The following ASXL2 variants were observed in gnomAD, a reference collection of about 807,000 sequenced individuals.
The protein encoded by ASXL2 is putative Polycomb group protein ASXL2.
ASXL2 carries 23 observed loss-of-function variants against 122.0 expected under a neutral mutation model. That is an observed-to-expected ratio of 0.19 (90% confidence interval 0.14 to 0.27). The LOEUF is 0.27. Ranked by LOEUF, ASXL2 falls within the 10% of genes least tolerant of loss-of-function variation. The pLI is 1.00. For synonymous variants in ASXL2, 650 were observed against 637.0 expected (o/e 1.02, Z -0.31); for missense variants, 1,518 against 1,713.8 (o/e 0.89, Z 2.02).
At chr2:25,832,568 G>A (rs1472349013) in intron 3 of ASXL2, among the ~76,000 whole-genome samples, 1 of 151,304 alleles carries the variant, frequency 6.6e-6, no homozygotes, top group Admixed American at 6.6e-5. Context: ...TGGCAGCATG[G>A]GCCAAAAAAA....
intron 5 of ASXL2, among the ~76,000 whole-genome samples, chr2:25,779,640 G>A (rs778779572): frequency 2.0e-5 from 3 of 152,030 alleles, no homozygotes; most frequent in Non-Finnish European, 2.9e-5. Flanking sequence ...ACTTGTCTAC[G>A]TCATTATGCC....
rs182487740 is a variant in ASXL2 at position 25,741,385 on chromosome 2, T to C, written c.*644A>G. 111 of 224,582 alleles carry C rather than the reference T, an allele frequency of 4.9e-4. No homozygotes were observed. In the Middle Eastern group the frequency reaches 8.1e-3, roughly 16 times the overall value. The allele number at this position is 224,582 out of a possible 1,614,324, so 13.9% of individuals were successfully genotyped here. ...TACCAGTAACTAGTAACTAGTACAGTAGAAGCCAAGAACCAAGTCAGGGCT... is the reference window on the plus strand; with the variant it reads ...TACCAGTAACTAGTAACTAGTACAGCAGAAGCCAAGAACCAAGTCAGGGCT... On this transcript the variant is annotated 3_prime_UTR_variant, in exon 13 of 13. Transcript: ENST00000435504.
Position 25,849,289 on chromosome 2 carries a change from A to C in ASXL2, c.58-3726T>G, listed in dbSNP as rs978456349. On this transcript the variant is annotated intron_variant, in intron 1 of 12. Transcript: ENST00000435504. ...CCTGCCTCTGGTAAAAACACACACA[A>C]AAAGTTAGCTGGGGGTGGTGGTGGC... Among the ~76,000 whole-genome samples, 7 of 150,102 alleles carry C rather than the reference A, an allele frequency of 4.7e-5. No homozygotes were observed. In the East Asian group the frequency reaches 1.4e-3, roughly 30 times the overall value.
In ASXL2 at chr2:25,878,151, C is replaced by A. The variant is rs559073674; in HGVS notation, c.57+15G>T. 4.3e-6 allele frequency: 7 copies of A among 1,613,872 alleles called. No individual in the cohort carries two copies. In the African/African-American group the frequency reaches 9.3e-5, roughly 21 times the overall value. On this transcript the variant is annotated intron_variant, in intron 1 of 12. Transcript: ENST00000435504. ...AAAATCCTCCCGGCCTTCCCCTTCG[C>A]TCCCTCCCCCTTACCGTCTTGGCGG... is the stretch of plus-strand genomic sequence containing the variant.
At chr2:25,818,246 C>A (rs1011273435) in intron 3 of ASXL2, among the ~76,000 whole-genome samples, 1 of 152,220 alleles carries the variant, frequency 6.6e-6, no homozygotes, top group East Asian at 1.9e-4. Flanking sequence ...CAGTGGCTCA[C>A]GCCTGTAATT....
At chr2:25,773,130 C>G (rs957255124) in intron 5 of ASXL2, among the ~76,000 whole-genome samples, 1 of 151,686 alleles carries the variant, frequency 6.6e-6, no homozygotes, top group Non-Finnish European at 1.5e-5. Flanking sequence ...ATCCCTTGAA[C>G]CCTGGAGGCG....
At chr2:25,745,641 CTTTTTTTTTT>C (rs59530493) in intron 12 of ASXL2, among the ~76,000 whole-genome samples, 6 of 75,676 alleles carry the variant, frequency 7.9e-5, no homozygotes, top group South Asian at 5.5e-4. Context: ...TGATTTCCTT[CTTTTTTTTTT>C]TTTTTTTTTT....
At chr2:25,759,382 A>G in intron 9 of ASXL2, 100 bp downstream of exon 9, 1 of 1,263,312 alleles carries the variant, frequency 7.9e-7, no homozygotes, top group Non-Finnish European at 1.1e-6. Flanking sequence ...TAAGAAACTT[A>G]TGTAAAAATA....
At chr2:25,762,526 G>A (rs1172827517) in intron 8 of ASXL2, among the ~76,000 whole-genome samples, 6 of 151,384 alleles carry the variant, frequency 4.0e-5, no homozygotes, top group Non-Finnish European at 7.4e-5. Context: ...TTAGCCGGGC[G>A]TGGTGGCGGG....
intron 1 of ASXL2, among the ~76,000 whole-genome samples, chr2:25,870,334 C>T (rs559538674): frequency 1.3e-5 from 2 of 152,076 alleles, no homozygotes; most frequent in Non-Finnish European, 2.9e-5. Flanking sequence ...ACCATCCTGG[C>T]CAACATGGTG....
Position 25,740,858 on chromosome 2 carries a change from T to G in ASXL2, c.*1171A>C. 1 of 190,650 alleles carries G rather than the reference T, an allele frequency of 5.2e-6. No homozygotes were observed. The highest frequency in any genetic ancestry group is 1.1e-5 in the Non-Finnish European group (1 of 91,048). 11.8% of individuals were successfully genotyped at this position (190,650 alleles called of 1,614,324 possible). On this transcript the variant is annotated 3_prime_UTR_variant, in exon 13 of 13. Coordinates refer to ENST00000435504, the MANE Select transcript of ASXL2 (RefSeq NM_018263.6). ...ACATACACGTATGTGTAAAGTAAGA[T>G]ATAATAAGATGATGTCATCCTGTTC...
intron 8 of ASXL2, among the ~76,000 whole-genome samples, chr2:25,765,585 G>A (rs890842444): frequency 2.6e-5 from 4 of 151,958 alleles, no homozygotes; most frequent in African/African-American, 9.7e-5. Context: ...ATGGACTTCT[G>A]CTTACTTCTC....
At chr2:25,799,277 G>GT (rs2088959597) in intron 5 of ASXL2, 108 bp downstream of exon 5, 2 of 1,460,166 alleles carry the variant, frequency 1.4e-6, no homozygotes, top group Admixed American at 3.4e-5. Flanking sequence ...GTTATAGAGG[G>GT]TAAGGGAAAG....
At chr2:25,848,462 A>C (rs1419749929) in intron 1 of ASXL2, among the ~76,000 whole-genome samples, 1 of 151,946 alleles carries the variant, frequency 6.6e-6, no homozygotes, top group Non-Finnish European at 1.5e-5. Flanking sequence ...CTCTACTAAA[A>C]ATACAAAAAA....
intron 1 of ASXL2, among the ~76,000 whole-genome samples, chr2:25,858,814 T>A (rs1471756773): frequency 1.4e-5 from 2 of 146,308 alleles, no homozygotes; most frequent in Non-Finnish European, 3.0e-5. Context: ...GAAATCTAAT[T>A]TTTTTTTTTT....
rs575061422 is a variant in ASXL2 at position 25,805,662 on chromosome 2, TTTTTATTTTA to T, written c.252+557_252+566del. Among the ~76,000 whole-genome samples the T allele has an allele frequency of 1.2e-4, 18 of 152,038 alleles. No homozygotes were observed. The South Asian group carries it at 2.7e-3, about 23-fold the overall frequency. ...AAACACTAGAAGTCATTTTATTTAT[TTTTTATTTTA>T]TTTTATTTTATTTTATTTTTTGAGA... On this transcript the variant is annotated intron_variant, in intron 4 of 12. Transcript: ENST00000435504.
At chr2:25,827,280 A>G (rs903335741) in intron 3 of ASXL2, among the ~76,000 whole-genome samples, 1 of 152,208 alleles carries the variant, frequency 6.6e-6, no homozygotes, top group Non-Finnish European at 1.5e-5. Flanking sequence ...TTAATACTAC[A>G]TAACTTTAAG....
chr2:25,805,825 A>G (rs2089073016), intron 4 of ASXL2, among the ~76,000 whole-genome samples: 1 of 152,042 alleles, frequency 6.6e-6, no homozygotes, highest in Admixed American at 6.6e-5. Context: ...ACAGGCACAC[A>G]CCGCTACGCC....
At chr2:25,849,064 C>CATATATATATATACATATATATATAT (rs139200567) in intron 1 of ASXL2, among the ~76,000 whole-genome samples, 1 of 86,514 alleles carries the variant, frequency 1.2e-5, no homozygotes, top group African/African-American at 6.1e-5. Flanking sequence ...AAAAAATTTA[C>CATATATATATATACATATATATATAT]ATATATATAT....
Sources: gnomAD v4.1 joint callset for allele counts (sites outside exome capture counted in the v4.1 genomes callset) on GRCh38, gnomAD v4.1.1 for gene constraint, MANE v1.5 for transcripts, NCBI Gene and HGNC (gene_info 2026-07-23, HGNC 2026-07-21) for gene names.